Variants in ADAM29 observed in about 807,000 individuals in gnomAD.
ADAM29 encodes the protein disintegrin and metalloproteinase domain-containing protein 29.
For synonymous variants in ADAM29, 367 were observed against 342.3 expected (o/e 1.07, Z -0.80); for missense variants, 969 against 1,001.8 (o/e 0.97, Z 0.44).
chr4:174,960,504 G>A (rs1745750365), intron 4 of ADAM29, among the ~76,000 whole-genome samples: 1 of 151,962 alleles, frequency 6.6e-6, no homozygotes, highest in Non-Finnish European at 1.5e-5. Flanking sequence ...TCTGCAGGGA[G>A]TTTTCTGTAT....
intron 4 of ADAM29, among the ~76,000 whole-genome samples, chr4:174,951,438 G>T (rs1745168353): frequency 6.6e-6 from 1 of 152,232 alleles, no homozygotes; most frequent in Admixed American, 6.5e-5. Flanking sequence ...AAATTCCTAT[G>T]TATCTTTCAA....
rs1343920472 is a variant in ADAM29 at position 174,975,984 on chromosome 4, C to T, written c.459C>T (p.Asp153=). 6.2e-7 allele frequency: 1 copy of T among 1,613,954 alleles called. No individual in the cohort carries two copies. Among genetic ancestry groups the T allele is most frequent in the African/African-American group, 1.3e-5 (1 of 75,016 alleles). Residue 153 remains aspartate, a synonymous_variant, in exon 5 of 5, where the codon GAC becomes GAT. Transcript: ENST00000359240. ...TTGAACATCTGGTATACAAGATGGA[C>T]AGTGAGGAGAAACAATTTTCAACCA... ...TTFEHLVYKM[D]SEEKQFSTMR... is the part of the protein sequence containing the mutation.
chr4:174,934,166 G>A (rs1347635159), intron 3 of ADAM29, among the ~76,000 whole-genome samples: 1 of 152,026 alleles, frequency 6.6e-6, no homozygotes, highest in Non-Finnish European at 1.5e-5. Flanking sequence ...CATTCTGACT[G>A]GTGTGAGATG....
chr4:174,931,401 T>C (rs1209908209), intron 3 of ADAM29: 1 of 152,180 alleles, frequency 6.6e-6, no homozygotes, highest in African/African-American at 2.4e-5. Flanking sequence ...CAAAATAAGG[T>C]TCTGAATTTT....
chr4:174,972,587 C>T (rs1057455952), intron 4 of ADAM29, among the ~76,000 whole-genome samples: 1 of 152,080 alleles, frequency 6.6e-6, no homozygotes, highest in Non-Finnish European at 1.5e-5. Context: ...GTGCTGGGCT[C>T]ATGATCAATT....
chr4:174,976,881 G>A lies in ADAM29; in HGVS notation c.1356G>A (p.Gly452=), dbSNP rs1746850355. ...CCKDCKFLPS[G]KVCRKEVNEC... is the part of the protein sequence containing the mutation. ...AAGACTGCAAGTTCCTACCATCAGG[G>A]AAAGTGTGTAGAAAGGAGGTCAATG... The change falls in exon 5 of 5, where the codon GGG becomes GGA. Residue 452 remains glycine (G), a synonymous_variant. Transcript: ENST00000359240. 1 of 1,614,170 alleles carries A rather than the reference G, an allele frequency of 6.2e-7. No individual in the cohort carries two copies. Among genetic ancestry groups the A allele is most frequent in the African/African-American group, 1.3e-5 (1 of 75,050 alleles).
At position 174,933,659 on chromosome 4, in the gene ADAM29, T is replaced by C. The variant is rs1465508294; in HGVS notation, c.-262+2485T>C. On this transcript the variant is annotated intron_variant, in intron 3 of 4. Coordinates refer to ENST00000359240, the MANE Select transcript of ADAM29 (RefSeq NM_014269.4). The stretch of plus-strand genomic sequence containing the variant: ...CCATCCTCAAGGAGACCCCAATGTC[T>C]ATTGTTCCCTCTTTGTGTCCATATG... Among the ~76,000 whole-genome samples the C allele has an allele frequency of 2.6e-5, 4 of 152,188 alleles. No individual in the cohort carries two copies. In the East Asian group the frequency reaches 5.8e-4, roughly 22 times the overall value.
At chr4:174,932,842 C>T (rs1405949290) in intron 3 of ADAM29, among the ~76,000 whole-genome samples, 1 of 152,010 alleles carries the variant, frequency 6.6e-6, no homozygotes, top group South Asian at 2.1e-4. Context: ...CAGTATGGAA[C>T]GATGAAAAGA....
intron 4 of ADAM29, among the ~76,000 whole-genome samples, chr4:174,940,438 C>T (rs1744465410): frequency 6.6e-6 from 1 of 152,142 alleles, no homozygotes; most frequent in South Asian, 2.1e-4. Context: ...CATAAAGTCC[C>T]TAATGTTATA....
intron 4 of ADAM29, among the ~76,000 whole-genome samples, chr4:174,967,597 C>G (rs1485254896): frequency 6.6e-6 from 1 of 152,154 alleles, no homozygotes; most frequent in African/African-American, 2.4e-5. Flanking sequence ...AGGGGAAACA[C>G]TGCACATAGC....
intron 1 of ADAM29, 25 bp from the exon 2 acceptor site, chr4:174,920,662 A>G (rs1328805969): frequency 6.6e-6 from 1 of 152,140 alleles, no homozygotes; most frequent in East Asian, 1.9e-4. Flanking sequence ...ATTCTTAGAT[A>G]ACATAATTGT....
intron 4 of ADAM29, among the ~76,000 whole-genome samples, chr4:174,962,883 C>T (rs1024134605): frequency 2.6e-5 from 4 of 152,218 alleles, no homozygotes; most frequent in Non-Finnish European, 1.5e-5. Flanking sequence ...ATAATTGAGT[C>T]AAGCACGAAT....
rs1579088414 is a variant in ADAM29 at position 174,975,885 on chromosome 4, T to C, written c.360T>C (p.Phe120=). 1.2e-6 allele frequency: 2 copies of C among 1,613,566 alleles called. No individual in the cohort carries two copies. The highest frequency in any genetic ancestry group is 1.7e-6 in the Non-Finnish European group (2 of 1,179,850). The change falls in exon 5 of 5, where the codon TTT becomes TTC. Residue 120 remains phenylalanine, a synonymous_variant. Coordinates refer to ENST00000359240, the MANE Select transcript of ADAM29 (RefSeq NM_014269.4). ...CCCTGGTTTCCCTCAGTACCTGTTT[T>C]GGGGGTTTTCAAGGAATATTACAGA... ...PESLVSLSTC[F]GGFQGILQIN...
At chr4:174,948,168 C>T (rs945870569) in intron 4 of ADAM29, among the ~76,000 whole-genome samples, 5 of 152,154 alleles carry the variant, frequency 3.3e-5, no homozygotes, top group Non-Finnish European at 7.3e-5. Context: ...GTCATTTCAG[C>T]CATTTCAGCT....
At chr4:174,935,513 T>G (rs559785979) in intron 3 of ADAM29, among the ~76,000 whole-genome samples, 1 of 152,172 alleles carries the variant, frequency 6.6e-6, no homozygotes, top group South Asian at 2.1e-4. Flanking sequence ...TAGTAAGATT[T>G]TTTTGCTTGT....
At chr4:174,973,727 G>A (rs1746594021) in intron 4 of ADAM29, among the ~76,000 whole-genome samples, 1 of 152,106 alleles carries the variant, frequency 6.6e-6, no homozygotes, top group African/African-American at 2.4e-5. Context: ...AATTCTGAAG[G>A]GGTTTCAGCT....
chr4:174,953,618 C>G (rs748380060), intron 4 of ADAM29, among the ~76,000 whole-genome samples: 1 of 152,074 alleles, frequency 6.6e-6, no homozygotes, highest in Non-Finnish European at 1.5e-5. Context: ...TGGAAGATTA[C>G]TTAGAATATA....
intron 1 of ADAM29, among the ~76,000 whole-genome samples, chr4:174,920,157 C>T (rs564594936): frequency 6.6e-6 from 1 of 152,122 alleles, no homozygotes; most frequent in Non-Finnish European, 1.5e-5. Context: ...TCTCAACAAA[C>T]CAGTATCATG....
chr4:174,956,013 A>G (rs746397830), intron 4 of ADAM29, among the ~76,000 whole-genome samples: 3 of 152,044 alleles, frequency 2.0e-5, no homozygotes, highest in African/African-American at 4.8e-5. Context: ...TGTGCTCAGG[A>G]CAGACTATAT....
Sources: allele counts gnomAD v4.1 joint callset (sites outside exome capture counted in the v4.1 genomes callset), GRCh38; gene constraint gnomAD v4.1.1; transcripts MANE v1.5; gene names NCBI Gene and HGNC (gene_info 2026-07-23, HGNC 2026-07-21).